ASTE1: variants seen among roughly 807,000 people sequenced by gnomAD.
The protein encoded by ASTE1 is asteroid structure-specific endonuclease 1, also known as single-strand DNA endonuclease ASTE1.
Under a neutral mutation model 45.8 loss-of-function variants are expected in ASTE1, and 49 were observed. The observed-to-expected ratio is 1.07, with a 90% CI of 0.85 to 1.36. ASTE1 has a LOEUF of 1.36. Among genes scored for constraint, ASTE1 ranks in the 40% most tolerant of loss-of-function variants. ASTE1 has a pLI of 0.00. For missense variants in ASTE1, 709 were observed against 804.0 expected, an observed-to-expected ratio of 0.88 and a Z score of 1.43; for synonymous variants, 296 against 303.9, an observed-to-expected ratio of 0.97 and a Z score of 0.27.
At chr3:131,014,512 T>C (rs2063495926) in intron 5 of ASTE1, 125 bp from the exon 6 acceptor site, 2 of 895,078 alleles carry the variant, frequency 2.2e-6, no homozygotes, top group Non-Finnish European at 3.3e-6. Flanking sequence ...TATAATATTA[T>C]CGAAATTACT....
intron 4 of ASTE1, 189 bp from the exon 5 acceptor site, chr3:131,016,528 T>C (rs2063640359): frequency 3.0e-6 from 2 of 674,662 alleles, no homozygotes; most frequent in Non-Finnish European, 4.9e-6. Context: ...GTCTTTTTAA[T>C]GATGACCTAA....
chr3:131,018,212 A>G (rs144374298), intron 4 of ASTE1, among the ~76,000 whole-genome samples: 433 of 152,290 alleles, frequency 2.8e-3, no homozygotes, highest in Non-Finnish European at 4.5e-3. Flanking sequence ...ATACACTGTC[A>G]CAATTCACAA....
rs2063628962 is a variant in ASTE1, at chr3:131,016,258, G to A, written c.1595C>T (p.Thr532Ile). 1.2e-6 allele frequency: 2 copies of A among 1,614,042 alleles called. No homozygotes were observed. The highest frequency in any genetic ancestry group is 1.7e-5 in the Admixed American group (1 of 60,006). Residue 532 changes from threonine (T) to isoleucine (I), a missense_variant, in exon 5 of 6, where the codon ACA (threonine) becomes ATA (isoleucine). By Grantham distance (89) the Thr-to-Ile change is moderately conservative. Coordinates refer to ENST00000264992, the MANE Select transcript of ASTE1 (RefSeq NM_014065.4). ...QRVKAQTRLGTRLDLDTAHIF... is the reference protein window; with the variant it reads ...QRVKAQTRLGIRLDLDTAHIF... ...GTGAGCTGTGTCTAAGTCCAGTCTT[G>A]TGCCCAGCCGTGTCTGCGCCTTCAC...
At chr3:131,016,102 TTGTGTGCTTCCA>T (rs754687712) in intron 5 of ASTE1, 30 bp downstream of exon 5, 15 of 1,605,388 alleles carry the variant, frequency 9.3e-6, no homozygotes, top group Non-Finnish European at 1.3e-5. Context: ...GTATTTACTT[TTGTGTGCTTCCA>T]TCTGAACTAA....
intron 5 of ASTE1, among the ~76,000 whole-genome samples, chr3:131,015,447 G>A (rs890473042): frequency 7.9e-5 from 12 of 152,114 alleles, no homozygotes; most frequent in Non-Finnish European, 1.6e-4. Flanking sequence ...CCCTACTGCT[G>A]CTGTCACTTC....
chr3:131,019,688 G>T (rs2063716587), intron 3 of ASTE1, among the ~76,000 whole-genome samples: 1 of 152,192 alleles, frequency 6.6e-6, no homozygotes, highest in African/African-American at 2.4e-5. Flanking sequence ...CTGCTTTCTG[G>T]AAAGTTGAGA....
intron 4 of ASTE1, among the ~76,000 whole-genome samples, chr3:131,017,201 A>T (rs2063661407): frequency 6.6e-6 from 1 of 152,234 alleles, no homozygotes; most frequent in Admixed American, 6.5e-5. Context: ...CAGCAGTGGG[A>T]CTTAACTGAT....
At chr3:131,022,408 T>G (rs1297386980) in intron 3 of ASTE1, among the ~76,000 whole-genome samples, 1 of 152,110 alleles carries the variant, frequency 6.6e-6, no homozygotes, top group Non-Finnish European at 1.5e-5. Context: ...CATAGCTCAC[T>G]ACAGGCTTGA....
At chr3:131,014,958 G>A (rs1037809655) in intron 5 of ASTE1, among the ~76,000 whole-genome samples, 2 of 152,192 alleles carry the variant, frequency 1.3e-5, no homozygotes, top group African/African-American at 2.4e-5. Flanking sequence ...CAATCCTGCT[G>A]TTTAAATCAT....
At chr3:131,016,463 C>G in intron 4 of ASTE1, 124 bp from the exon 5 acceptor site, 2 of 1,079,166 alleles carry the variant, frequency 1.9e-6, no homozygotes, top group Admixed American at 4.7e-5. Flanking sequence ...AGATGTTTTT[C>G]TCTTCTGGCT....
intron 1 of ASTE1, chr3:131,026,130 T>G (rs2063871117): frequency 6.6e-6 from 1 of 152,208 alleles, no homozygotes. Flanking sequence ...TGACATTTTG[T>G]CAGTCATGGA....
intron 5 of ASTE1, among the ~76,000 whole-genome samples, 155 bp from the exon 6 acceptor site, chr3:131,014,542 G>C (rs1267563952): frequency 1.3e-5 from 2 of 152,154 alleles, no homozygotes; most frequent in African/African-American, 2.4e-5. Flanking sequence ...TCTGTTCTTT[G>C]AAGGAAGGAA....
At chr3:131,015,723 A>T (rs1577096169) in intron 5 of ASTE1, among the ~76,000 whole-genome samples, 1 of 100,880 alleles carries the variant, frequency 9.9e-6, no homozygotes, top group Admixed American at 9.0e-5. Flanking sequence ...AAATGCAATT[A>T]AAAAAAAATA....
Position 131,024,767 on chromosome 3 carries a change from C to T in ASTE1, c.540G>A (p.Trp180Ter). 6.2e-7 allele frequency: 1 copy of T among 1,613,866 alleles called. No individual in the cohort carries two copies. The highest frequency in any genetic ancestry group is 8.5e-7 in the Non-Finnish European group (1 of 1,179,892). The change falls in exon 3 of 6, where the codon TGG becomes TGA. Residue 180 changes from tryptophan (W) to a stop codon, truncating the protein, a stop_gained. Coordinates refer to ENST00000264992, the MANE Select transcript of ASTE1 (RefSeq NM_014065.4). LOFTEE classifies it high-confidence loss of function. ...TGFCPLNSFQ[W>*]RNMNTIKGTQ... ...TGCCCTTAATAGTGTTCATATTTCT[C>T]CACTGAAAGCTATTCAATGGGCAAA...
At chr3:131,020,672 G>C (rs2063731228) in intron 3 of ASTE1, among the ~76,000 whole-genome samples, 1 of 152,168 alleles carries the variant, frequency 6.6e-6, no homozygotes, top group Admixed American at 6.5e-5. Flanking sequence ...TTCTATACTT[G>C]TACTTGCATT....
chr3:131,022,696 T>C (rs118085327), intron 3 of ASTE1, among the ~76,000 whole-genome samples: 1,602 of 152,144 alleles, frequency 0.011, 24 homozygotes, highest in East Asian at 0.075. Flanking sequence ...AAAGAAACCC[T>C]GGGGGTTTAA....
At chr3:131,017,545 T>C (rs1186564852) in intron 4 of ASTE1, among the ~76,000 whole-genome samples, 2 of 152,236 alleles carry the variant, frequency 1.3e-5, no homozygotes, top group Admixed American at 6.5e-5. Context: ...ATAATTATTA[T>C]GCATGTTTAT....
Position 131,024,267 on chromosome 3 carries a change from A to G in ASTE1, c.1040T>C (p.Val347Ala). Residue 347 changes from valine (V) to alanine (A), a missense_variant, in exon 3 of 6, where the codon GTC becomes GCC. Physicochemically the swap from Val to Ala is moderately conservative, Grantham distance 64. Transcript: ENST00000264992. ...QLSPFISDAL[V>A]LRRTILPTQV... Reference sequence around the variant, plus strand: ...TGTGGGAAGAATGGTCCGTCTTAGGACCAAAGCATCACTGATGAAAGGAGA... The same window carrying G: ...TGTGGGAAGAATGGTCCGTCTTAGGGCCAAAGCATCACTGATGAAAGGAGA... The G allele has an allele frequency of 6.2e-7, 1 of 1,614,216 alleles. No individual in the cohort carries two copies. Among genetic ancestry groups the G allele is most frequent in the Non-Finnish European group, 8.5e-7 (1 of 1,180,046 alleles).
At chr3:131,017,165 A>C in intron 4 of ASTE1, 1 of 653,736 alleles carries the variant, frequency 1.5e-6, no homozygotes, top group Non-Finnish European at 2.3e-6. Context: ...AATCAGAGGA[A>C]ATACTCTAAA....
Sources: allele counts gnomAD v4.1 joint callset (sites outside exome capture counted in the v4.1 genomes callset), GRCh38; gene constraint gnomAD v4.1.1; transcripts MANE v1.5; gene names NCBI Gene and HGNC (gene_info 2026-07-23, HGNC 2026-07-21).